Variants in TAOK3 observed in about 807,000 individuals in gnomAD.
TAOK3 encodes TAO kinase 3, also known as serine/threonine-protein kinase TAO3.
In TAOK3, 40 loss-of-function variants were observed where a neutral mutation model predicts 120.4. The ratio of observed to expected loss-of-function variants is 0.33; its 90% CI spans 0.26 to 0.43. TAOK3 has a LOEUF of 0.43. Ranked by LOEUF, TAOK3 falls within the 20% of genes least tolerant of loss-of-function variation. The pLI, the probability that TAOK3 is intolerant of heterozygous loss-of-function variation, is 1.00. For missense variants in TAOK3, 821 were observed against 1,112.1 expected (o/e 0.74, Z 3.72); for synonymous variants, 355 against 387.5 (o/e 0.92, Z 0.99).
intron 14 of TAOK3, among the ~76,000 whole-genome samples, chr12:118,182,599 G>GTGTATATATATATATATATATATATA (rs1440847647): frequency 2.1e-5 from 2 of 93,918 alleles, no homozygotes; most frequent in African/African-American, 9.6e-5. Context: ...GTGTGTGTGT[G>GTGTATATATATATATATATATATATA]TATATATATA....
At chr12:118,333,232 G>C (rs1219719628) in intron 1 of TAOK3, among the ~76,000 whole-genome samples, 1 of 151,998 alleles carries the variant, frequency 6.6e-6, no homozygotes, top group African/African-American at 2.4e-5. Context: ...GCAGATTCTG[G>C]GTCAGAAAAG....
chr12:118,360,077 C>T (rs1280843782), intron 1 of TAOK3, among the ~76,000 whole-genome samples: 3 of 150,606 alleles, frequency 2.0e-5, no homozygotes, highest in Non-Finnish European at 4.4e-5. Flanking sequence ...ACCGGCCTGG[C>T]CAACATGGTG....
At chr12:118,257,826 A>G (rs2041056201) in intron 2 of TAOK3, among the ~76,000 whole-genome samples, 1 of 152,110 alleles carries the variant, frequency 6.6e-6, no homozygotes, top group Admixed American at 6.6e-5. Flanking sequence ...TACCCAACTC[A>G]TTCTTTCATT....
intron 13 of TAOK3, among the ~76,000 whole-genome samples, chr12:118,196,265 A>G (rs1214498540): frequency 6.6e-6 from 1 of 152,094 alleles, no homozygotes; most frequent in Non-Finnish European, 1.5e-5. Flanking sequence ...AAATCAGGGC[A>G]TCTTTATTCT....
At chr12:118,157,509 C>T (rs773780673) in intron 19 of TAOK3, among the ~76,000 whole-genome samples, 1 of 152,198 alleles carries the variant, frequency 6.6e-6, no homozygotes. Context: ...GTGCCACTGC[C>T]TTCCCAATGT....
chr12:118,250,131 T>TA (rs965087625), intron 3 of TAOK3, among the ~76,000 whole-genome samples: 3 of 152,100 alleles, frequency 2.0e-5, no homozygotes, highest in Non-Finnish European at 2.9e-5. Flanking sequence ...TTTATTTTTT[T>TA]AATTTTTTTT....
At chr12:118,364,455 G>A (rs1275307438) in intron 1 of TAOK3, among the ~76,000 whole-genome samples, 1 of 152,014 alleles carries the variant, frequency 6.6e-6, no homozygotes, top group African/African-American at 2.4e-5. Flanking sequence ...TGGTCTCTGT[G>A]ACCTTTGGAA....
intron 1 of TAOK3, among the ~76,000 whole-genome samples, chr12:118,308,223 C>G (rs553659859): frequency 6.6e-6 from 1 of 152,036 alleles, no homozygotes; most frequent in South Asian, 2.1e-4. Context: ...ACAGATGCCA[C>G]GGCAACATCA....
intron 9 of TAOK3, among the ~76,000 whole-genome samples, chr12:118,216,928 C>CAAA (rs11298822): frequency 1.1e-5 from 1 of 89,914 alleles, no homozygotes; most frequent in Admixed American, 1.2e-4. Flanking sequence ...GACTCCATCT[C>CAAA]AAAAAAAAAA....
In TAOK3 at chr12:118,218,814, C is replaced by T. The variant is rs976063023; in HGVS notation, c.644-4704G>A. Among the ~76,000 whole-genome samples, 32 of 152,102 alleles carry T rather than the reference C, an allele frequency of 2.1e-4. No individual in the cohort carries two copies. The East Asian group carries it at 2.1e-3, about 10-fold the overall frequency. On this transcript the variant is annotated intron_variant, in intron 9 of 20. Transcript: ENST00000392533. ...ACTAAAAATACAAAATTAGCCAGGCCGTGGTGGCTTGTGCCTGTAATCCCA... is the reference window on the plus strand; with the variant it reads ...ACTAAAAATACAAAATTAGCCAGGCTGTGGTGGCTTGTGCCTGTAATCCCA...
At chr12:118,312,970 G>A (rs2043315283) in intron 1 of TAOK3, among the ~76,000 whole-genome samples, 2 of 152,132 alleles carry the variant, frequency 1.3e-5, no homozygotes, top group South Asian at 4.1e-4. Flanking sequence ...CTATTCTGCT[G>A]AGCCCTGTAT....
At chr12:118,295,717 G>A (rs1198629252) in intron 1 of TAOK3, among the ~76,000 whole-genome samples, 1 of 152,126 alleles carries the variant, frequency 6.6e-6, no homozygotes, top group Non-Finnish European at 1.5e-5. Flanking sequence ...TGTCAAAAAT[G>A]TGAATAATTC....
chr12:118,232,574 T>G (rs966360449), intron 9 of TAOK3, among the ~76,000 whole-genome samples: 2 of 152,204 alleles, frequency 1.3e-5, no homozygotes, highest in Admixed American at 6.5e-5. Context: ...GTATTTCATT[T>G]GTTAACTGCC....
At chr12:118,239,957 A>G (rs1029627407) in intron 5 of TAOK3, among the ~76,000 whole-genome samples, 5 of 152,132 alleles carry the variant, frequency 3.3e-5, no homozygotes, top group African/African-American at 1.2e-4. Flanking sequence ...ACCTGAGGCC[A>G]GGAGTTCAAG....
chr12:118,208,594 T>C (rs1041016655), intron 11 of TAOK3, among the ~76,000 whole-genome samples: 2 of 152,176 alleles, frequency 1.3e-5, no homozygotes, highest in African/African-American at 4.8e-5. Flanking sequence ...CTTCATACTT[T>C]CACGGTGGGA....
At chr12:118,155,390 G>C (rs1471305322) in intron 19 of TAOK3, among the ~76,000 whole-genome samples, 1 of 152,216 alleles carries the variant, frequency 6.6e-6, no homozygotes, top group Non-Finnish European at 1.5e-5. Flanking sequence ...GAGTAGCTGT[G>C]ACAGAGACCC....
At chr12:118,282,114 A>G (rs2140427987) in intron 1 of TAOK3, among the ~76,000 whole-genome samples, 1 of 152,298 alleles carries the variant, frequency 6.6e-6, no homozygotes, top group Admixed American at 6.5e-5. Context: ...CAAACCACTC[A>G]CTCTTTCAAA....
At chr12:118,318,492 T>A (rs1008892461) in intron 1 of TAOK3, among the ~76,000 whole-genome samples, 1 of 152,136 alleles carries the variant, frequency 6.6e-6, no homozygotes, top group Non-Finnish European at 1.5e-5. Flanking sequence ...TGCATGACCA[T>A]GGATTTGGCA....
chr12:118,202,992 C>T (rs1158014452), intron 11 of TAOK3, among the ~76,000 whole-genome samples: 1 of 151,864 alleles, frequency 6.6e-6, no homozygotes, highest in Non-Finnish European at 1.5e-5. Flanking sequence ...GTTGCCTTGG[C>T]TGGTCTTAAA....
Sources: gnomAD v4.1 joint callset for allele counts (sites outside exome capture counted in the v4.1 genomes callset) on GRCh38, gnomAD v4.1.1 for gene constraint, MANE v1.5 for transcripts, NCBI Gene and HGNC (gene_info 2026-07-23, HGNC 2026-07-21) for gene names.